The following STX19 variants were observed in gnomAD, a reference collection of about 807,000 sequenced individuals.
STX19 encodes the protein syntaxin 19.
Under a neutral mutation model 24.3 loss-of-function variants are expected in STX19, and 26 were observed. The observed-to-expected ratio is 1.07, with a 90% confidence interval of 0.78 to 1.48. The LOEUF (loss-of-function observed/expected upper bound fraction) is 1.48. Ranked by LOEUF, STX19 falls within the 40% of genes most tolerant of loss-of-function variation. The probability of loss-of-function intolerance (pLI) is 0.00; values close to 1 mark genes in which losing one functional copy is unlikely to be tolerated. For missense variants in STX19, 367 were observed against 331.9 expected (o/e 1.11, Z -0.82); for synonymous variants, 116 against 106.9 (o/e 1.09, Z -0.52).
chr3:94,015,748 G>A (rs1027340096), intron 1 of STX19, among the ~76,000 whole-genome samples: 1 of 152,108 alleles, frequency 6.6e-6, no homozygotes. Context: ...AACCATTGTA[G>A]TGACAGTACA....
chr3:94,018,728 C>G (rs1315640878), intron 1 of STX19, among the ~76,000 whole-genome samples: 1 of 152,128 alleles, frequency 6.6e-6, no homozygotes, highest in Non-Finnish European at 1.5e-5. Flanking sequence ...TCTGGCAACT[C>G]TATTTTTCCA....
At chr3:94,024,841 G>A (rs770263491) in intron 1 of STX19, among the ~76,000 whole-genome samples, 12 of 152,160 alleles carry the variant, frequency 7.9e-5, no homozygotes, top group East Asian at 3.9e-4. Context: ...TCCCACCTCC[G>A]CCTCCCAAAG....
At chr3:94,023,756 T>C (rs1297229900) in intron 1 of STX19, among the ~76,000 whole-genome samples, 2 of 152,156 alleles carry the variant, frequency 1.3e-5, no homozygotes, top group Non-Finnish European at 2.9e-5. Flanking sequence ...TAGTGAAATA[T>C]ACACAAATAA....
At position 94,014,436 on chromosome 3, in the gene STX19, A is replaced by G. The variant is rs1394552387; in HGVS notation, c.834T>C (p.Asn278=). Residue 278 remains asparagine, a synonymous_variant, in exon 2 of 2, where the codon AAT becomes AAC. Coordinates refer to ENST00000315099, the MANE Select transcript of STX19 (RefSeq NM_001001850.3). ...ACCAACAACACAGTACTCTGCAAGG[A>G]TTTCTTTTTTTGTATTTTACAGCTA... ...FGLAVKYKKR[N]PCRVLCCWCC... The G allele has an allele frequency of 1.3e-5, 21 of 1,592,180 alleles. No individual in the cohort carries two copies. The highest frequency in any genetic ancestry group is 1.7e-5 in the Non-Finnish European group (20 of 1,173,378).
chr3:94,017,960 A>G (rs2076365771), intron 1 of STX19, among the ~76,000 whole-genome samples: 1 of 152,234 alleles, frequency 6.6e-6, no homozygotes, highest in South Asian at 2.1e-4. Flanking sequence ...TTGTGGGCCA[A>G]AGGAAGGAGT....
rs142658049 is a variant in STX19 at position 94,021,866 on chromosome 3, A to G, written c.-14+6501T>C. On this transcript the variant is annotated intron_variant, in intron 1 of 1. Transcript: ENST00000315099. ...CATTTAATATAGCCATAAGCTTTTT[A>G]AATAAGCTTTTTAAAAATGTTATTT... Among the ~76,000 whole-genome samples the G allele has an allele frequency of 5.2e-3, 785 of 152,280 alleles. 9 individuals are homozygous for G. Among genetic ancestry groups the G allele is most frequent in the African/African-American group, 0.018 (740 of 41,552 alleles).
intron 1 of STX19, among the ~76,000 whole-genome samples, chr3:94,020,727 G>A (rs1320748499): frequency 6.6e-6 from 1 of 152,092 alleles, no homozygotes; most frequent in Non-Finnish European, 1.5e-5. Context: ...AAGTACCGGT[G>A]GGAAACATTT....
rs2076290959 is a variant in STX19, at chr3:94,014,699, A to G, written c.571T>C (p.Trp191Arg). Reference sequence around the variant, plus strand: ...AGTAAGCTTTCATTAAAAACTTCCCATTTTCCTTGATGAAGCATATCATTT... The same window carrying G: ...AGTAAGCTTTCATTAAAAACTTCCCGTTTTCCTTGATGAAGCATATCATTT... ...DVNDMLHQGK[W>R]EVFNESLLTE... Residue 191 changes from tryptophan (W) to arginine (R), a missense_variant, in exon 2 of 2, where the codon TGG becomes CGG. Trp to Arg is a moderately radical substitution (Grantham distance 101, BLOSUM62 -3). Coordinates refer to ENST00000315099, the MANE Select transcript of STX19 (RefSeq NM_001001850.3). 2 of 1,612,788 alleles carry G rather than the reference A, an allele frequency of 1.2e-6. No homozygotes were observed. Among genetic ancestry groups the G allele is most frequent in the Non-Finnish European group, 1.7e-6 (2 of 1,179,768 alleles).
At chr3:94,023,396 C>CA (rs1369866661) in intron 1 of STX19, among the ~76,000 whole-genome samples, 1 of 151,878 alleles carries the variant, frequency 6.6e-6, no homozygotes, top group East Asian at 1.9e-4. Flanking sequence ...TGAAATTTCA[C>CA]AACAATGTGA....
chr3:94,024,681 GC>G (rs1217889855), intron 1 of STX19, among the ~76,000 whole-genome samples: 1 of 152,106 alleles, frequency 6.6e-6, no homozygotes, highest in East Asian at 1.9e-4. Flanking sequence ...TACCTCCCAG[GC>G]TCAAGTGATC....
chr3:94,015,945 T>A lies in STX19; in HGVS notation c.-13-663A>T, dbSNP rs573029005. ...CTTTTGCAAAGATATCCAGACTGTC[T>A]TAGAACAAAATTTATATCAATTTGT... On this transcript the variant is annotated intron_variant, in intron 1 of 1. Coordinates refer to ENST00000315099, the MANE Select transcript of STX19 (RefSeq NM_001001850.3). Among the ~76,000 whole-genome samples, 3 of 152,268 alleles carry A rather than the reference T, an allele frequency of 2.0e-5. No individual in the cohort carries two copies. In the East Asian group the frequency reaches 5.8e-4, roughly 29 times the overall value.
chr3:94,019,856 C>T (rs1345654297), intron 1 of STX19, among the ~76,000 whole-genome samples: 1 of 152,124 alleles, frequency 6.6e-6, no homozygotes, highest in Admixed American at 6.5e-5. Context: ...TGGCACTTGC[C>T]TTCTCTTCTA....
chr3:94,014,530 A>T lies in STX19; in HGVS notation c.740T>A (p.Ile247Asn). The T allele has an allele frequency of 6.2e-7, 1 of 1,612,846 alleles. No homozygotes were observed. The highest frequency in any genetic ancestry group is 8.5e-7 in the Non-Finnish European group (1 of 1,179,604). ...ATTCACTGTCATTTCAATATTGTTGATGCTCTCTCCTTGTTCCTCTACTAA... is the reference window on the plus strand; with the variant it reads ...ATTCACTGTCATTTCAATATTGTTGTTGCTCTCTCCTTGTTCCTCTACTAA... Reference protein sequence around the residue: ...SLLVEEQGESINNIEMTVNST... With the variant: ...SLLVEEQGESNNNIEMTVNST... Residue 247 changes from isoleucine (I) to asparagine (N), a missense_variant, in exon 2 of 2, where the codon ATC (isoleucine) becomes AAC (asparagine). By Grantham distance (149) the Ile-to-Asn change is moderately radical. Coordinates refer to ENST00000315099, the MANE Select transcript of STX19 (RefSeq NM_001001850.3).
chr3:94,014,900 C>T lies in STX19; in HGVS notation c.370G>A (p.Gly124Ser), dbSNP rs757872139. The part of the protein sequence containing the change: ...KEVKKSEVEN[G>S]PSSVVTRILK... ...ATCCTTGTGACCACTGAAGATGGAC[C>T]ATTTTCAACCTCTGACTTTTTAACT... Residue 124 changes from glycine (G) to serine (S), a missense_variant, in exon 2 of 2, where the codon GGT becomes AGT. Physicochemically the swap from Gly to Ser is moderately conservative, Grantham distance 56. Coordinates refer to ENST00000315099, the MANE Select transcript of STX19 (RefSeq NM_001001850.3). The T allele has an allele frequency of 6.2e-7, 1 of 1,613,402 alleles. No individual in the cohort carries two copies. Among genetic ancestry groups the T allele is most frequent in the Non-Finnish European group, 8.5e-7 (1 of 1,179,862 alleles).
chr3:94,014,949 T>G lies in STX19; in HGVS notation c.321A>C (p.Arg107Ser), dbSNP rs149433236. The change falls in exon 2 of 2, where the codon AGA (arginine) becomes AGC (serine). Residue 107 changes from arginine to serine, a missense_variant. Transcript: ENST00000315099. ...CTTCTTTAACTAAATCATTCAAACT[T>G]CTGTTGATGTATTCTGCCTGAATTT... ...EIKIQAEYINRSLNDLVKEVK... is the reference protein window; with the variant it reads ...EIKIQAEYINSSLNDLVKEVK... 3.8e-4 allele frequency: 610 copies of G among 1,613,940 alleles called. 1 individual carries two copies. Among genetic ancestry groups the G allele is most frequent in the Admixed American group, 1.5e-3 (91 of 60,008 alleles).
intron 1 of STX19, among the ~76,000 whole-genome samples, chr3:94,016,649 CT>C (rs11442452): frequency 9.3e-4 from 133 of 142,370 alleles, no homozygotes; most frequent in Non-Finnish European, 9.3e-4. Flanking sequence ...ATTAAGCTTT[CT>C]TTTTTTTTTT....
chr3:94,022,983 A>G (rs1306086446), intron 1 of STX19, among the ~76,000 whole-genome samples: 3 of 151,860 alleles, frequency 2.0e-5, no homozygotes, highest in Non-Finnish European at 4.4e-5. Flanking sequence ...CATTTTATTC[A>G]TCTTTTGAGG....
At chr3:94,015,554 A>G (rs1047447318) in intron 1 of STX19, among the ~76,000 whole-genome samples, 2 of 152,232 alleles carry the variant, frequency 1.3e-5, no homozygotes, top group African/African-American at 4.8e-5. Flanking sequence ...CAGTTGGTCA[A>G]AAATATTTGT....
In STX19 at chr3:94,014,619, C is replaced by T. The variant is rs1374970476; in HGVS notation, c.651G>A (p.Lys217=). Residue 217 remains lysine, a synonymous_variant, in exon 2 of 2, where the codon AAG becomes AAA. Transcript: ENST00000315099. Reference sequence around the variant, plus strand: ...TTTGGTTCTCCAAATTAACAAGTTCCTTGTGTCTCTGTTCAATCTCTGAAA... The same window carrying T: ...TTTGGTTCTCCAAATTAACAAGTTCTTTGTGTCTCTGTTCAATCTCTGAAA... ...AQLSEIEQRH[K]ELVNLENQIK... 4 of 1,613,286 alleles carry T rather than the reference C, an allele frequency of 2.5e-6. No homozygotes were observed. The African/African-American group carries it at 5.3e-5, about 22-fold the overall frequency.
Sources: allele counts gnomAD v4.1 joint callset (sites outside exome capture counted in the v4.1 genomes callset), GRCh38; gene constraint gnomAD v4.1.1; transcripts MANE v1.5; gene names NCBI Gene and HGNC (gene_info 2026-07-23, HGNC 2026-07-21).